NRG1: variants seen among roughly 807,000 people sequenced by gnomAD.
NRG1 encodes the protein pro-neuregulin-1, membrane-bound isoform.
In NRG1, 18 loss-of-function variants were observed where a neutral mutation model predicts 63.8. The observed-to-expected ratio is 0.28, with a 90% CI of 0.19 to 0.42. The LOEUF (loss-of-function observed/expected upper bound fraction) is 0.42, where lower values mean the gene tolerates loss of function less well. Ranked by LOEUF, NRG1 falls within the 10% of genes least tolerant of loss-of-function variation. The pLI, the probability that NRG1 is intolerant of heterozygous loss-of-function variation, is 1.00. For missense variants in NRG1, 762 were observed against 814.7 expected (o/e 0.94, Z 0.79); for synonymous variants, 302 against 301.3 (o/e 1.00, Z -0.02).
intron 1 of NRG1, among the ~76,000 whole-genome samples, chr8:31,966,450 ATAGT>A (rs770315738): frequency 6.6e-6 from 1 of 152,248 alleles, no homozygotes; most frequent in Admixed American, 6.5e-5. Context: ...AAGACATTTG[ATAGT>A]TAGCCAAAAT....
chr8:31,888,946 T>C (rs1198120273), intron 1 of NRG1, among the ~76,000 whole-genome samples: 1 of 152,136 alleles, frequency 6.6e-6, no homozygotes, highest in African/African-American at 2.4e-5. Context: ...CTCATAAATA[T>C]TGGTTTTTCA....
intron 1 of NRG1, among the ~76,000 whole-genome samples, chr8:32,393,693 G>A (rs1426658602): frequency 1.3e-5 from 2 of 151,342 alleles, no homozygotes; most frequent in East Asian, 1.9e-4. Flanking sequence ...GAGAATACAT[G>A]GACACATAGA....
intron 1 of NRG1, among the ~76,000 whole-genome samples, chr8:32,183,098 A>G (rs1841599060): frequency 6.6e-6 from 1 of 152,222 alleles, no homozygotes. Flanking sequence ...AAAGAACTCC[A>G]TTACATTCTA....
At position 32,465,065 on chromosome 8, in the gene NRG1, C is replaced by A. The variant is rs202228718; in HGVS notation, c.38-130763C>A. 1.1e-4 allele frequency among the ~76,000 whole-genome samples: 17 copies of A among 152,226 alleles called. No individual in the cohort carries two copies. In the East Asian group the frequency reaches 3.3e-3, roughly 29 times the overall value. On this transcript the variant is annotated intron_variant, in intron 1 of 10. Transcript: ENST00000519301. ...TGGTGTGTGCCTGTAGTCCCAGCTA[C>A]CCAGGAGGCTGAAGCAAGAGAATCG...
intron 1 of NRG1, among the ~76,000 whole-genome samples, chr8:32,238,357 G>A (rs1393414588): frequency 6.6e-6 from 1 of 151,888 alleles, no homozygotes; most frequent in Admixed American, 6.6e-5. Flanking sequence ...TACTTGGGAG[G>A]CTGGGGCAGG....
At chr8:32,408,345 G>A (rs1814392090) in intron 1 of NRG1, among the ~76,000 whole-genome samples, 1 of 152,172 alleles carries the variant, frequency 6.6e-6, no homozygotes, top group Non-Finnish European at 1.5e-5. Context: ...TGGGCCAGCT[G>A]GCCGAGATGT....
In NRG1 at chr8:31,786,238, G is replaced by C. The variant is rs1165401398; in HGVS notation, c.37+146807G>C. ...CAAGGAAAAGTACATTCTCCATGCTGCATATGTGTGGCTTAGGCCCTGGCT... is the reference window on the plus strand; with the variant it reads ...CAAGGAAAAGTACATTCTCCATGCTCCATATGTGTGGCTTAGGCCCTGGCT... On this transcript the variant is annotated intron_variant, in intron 1 of 10. Transcript: ENST00000519301. 2.6e-5 allele frequency among the ~76,000 whole-genome samples: 4 copies of C among 152,210 alleles called. No individual in the cohort carries two copies. The East Asian group carries it at 5.8e-4, about 22-fold the overall frequency.
In NRG1 at chr8:32,038,743, A is replaced by C. The variant is rs146460983; in HGVS notation, c.37+399312A>C. Among the ~76,000 whole-genome samples the C allele has an allele frequency of 3.9e-3, 598 of 152,172 alleles. 5 individuals carry two copies. The highest frequency in any genetic ancestry group is 6.8e-3 in the Middle Eastern group (2 of 294). On this transcript the variant is annotated intron_variant, in intron 1 of 10. Transcript: ENST00000519301. ...GCTGTTACTAAGACTGGGGGCTGTG[A>C]GAGGGCTTGGTGTTCCCCCAAGCAG...
In NRG1 at chr8:32,489,101, G is replaced by T. The variant is rs962196317; in HGVS notation, c.38-106727G>T. ...GGATTTGACCTTCTGACTTGGGGGT[G>T]TATATGCTGGCCTATTTCCAGCACT... On this transcript the variant is annotated intron_variant, in intron 1 of 10. Coordinates refer to the NRG1 transcript ENST00000519301. Among the ~76,000 whole-genome samples the T allele has an allele frequency of 2.0e-5, 3 of 152,300 alleles. No homozygotes were observed. The South Asian group carries it at 6.2e-4, about 32-fold the overall frequency.
rs543694091 is a variant in NRG1 at position 32,580,376 on chromosome 8, TA to T, written c.101-15447del. Among the ~76,000 whole-genome samples, 1,383 of 152,294 alleles carry T rather than the reference TA, an allele frequency of 9.1e-3. 23 individuals carry two copies. Among genetic ancestry groups the T allele is most frequent in the African/African-American group, 0.031 (1,303 of 41,552 alleles). ...TCTCAACTCTAAGTGGGCAGTTATT[TA>T]AAAACTTTGTATTAATTTAGAGAGC... On this transcript the variant is annotated intron_variant, in intron 1 of 11. Coordinates refer to ENST00000356819, the Ensembl canonical transcript of NRG1.
chr8:32,496,700 T>C (rs1827238172), intron 1 of NRG1, among the ~76,000 whole-genome samples: 1 of 152,236 alleles, frequency 6.6e-6, no homozygotes. Context: ...TTCTTCTCTG[T>C]CTTTTTAAAA....
intron 1 of NRG1, among the ~76,000 whole-genome samples, chr8:32,429,075 C>T (rs1817798935): frequency 6.6e-6 from 1 of 152,006 alleles, no homozygotes; most frequent in South Asian, 2.1e-4. Context: ...TGCAAGCCAA[C>T]ATAGTCACGT....
rs74358544 is a variant in NRG1 at position 32,060,398 on chromosome 8, A to G, written c.37+420967A>G. Reference sequence around the variant, plus strand: ...ATATATTAAAGAGGTGAAATTTGGCATCAATGAGCCTCCACCATAAAAGAA... The same window carrying G: ...ATATATTAAAGAGGTGAAATTTGGCGTCAATGAGCCTCCACCATAAAAGAA... On this transcript the variant is annotated intron_variant, in intron 1 of 10. Coordinates refer to the NRG1 transcript ENST00000519301. Among the ~76,000 whole-genome samples, 59 of 152,106 alleles carry G rather than the reference A, an allele frequency of 3.9e-4. 2 individuals carry two copies. The East Asian group carries it at 7.4e-3, about 19-fold the overall frequency.
At chr8:32,610,544 T>A (rs1011994750) in intron 3 of NRG1, among the ~76,000 whole-genome samples, 4 of 152,138 alleles carry the variant, frequency 2.6e-5, no homozygotes, top group Non-Finnish European at 4.4e-5. Flanking sequence ...GATTAAAAAA[T>A]TAGGAAATTC....
At chr8:31,803,357 G>A (rs866344891) in intron 1 of NRG1, among the ~76,000 whole-genome samples, 14 of 152,070 alleles carry the variant, frequency 9.2e-5, no homozygotes, top group Admixed American at 1.3e-4. Context: ...TAGAATAATT[G>A]CCTAAAGCCA....
intron 5 of NRG1, among the ~76,000 whole-genome samples, chr8:32,708,129 ATTATC>A (rs1448096260): frequency 6.6e-6 from 1 of 152,234 alleles, no homozygotes; most frequent in Non-Finnish European, 1.5e-5. Context: ...CCTAACTTAT[ATTATC>A]TTATGATGAT....
At chr8:31,812,395 C>A (rs993147916) in intron 1 of NRG1, among the ~76,000 whole-genome samples, 3 of 152,122 alleles carry the variant, frequency 2.0e-5, no homozygotes, top group African/African-American at 7.2e-5. Context: ...GGCTGCTGCT[C>A]CTGGGACAAC....
At chr8:31,716,529 A>G (rs56080487) in intron 1 of NRG1, among the ~76,000 whole-genome samples, 34,497 of 152,218 alleles carry the variant, frequency 0.23, 4,860 homozygotes, top group East Asian at 0.67. Flanking sequence ...TTCAAACATT[A>G]TCAGAGAAGG....
rs1210791642 is a variant in NRG1 at position 31,838,411 on chromosome 8, T to G, written c.37+198980T>G. Among the ~76,000 whole-genome samples, 4 of 152,180 alleles carry G rather than the reference T, an allele frequency of 2.6e-5. No homozygotes were observed. The South Asian group carries it at 6.2e-4, about 24-fold the overall frequency. ...ATTGCTGCATTTCTTTTTTAGGCTG[T>G]TCTTCACCACTGTTACTTGTTTATA... On this transcript the variant is annotated intron_variant, in intron 1 of 10. Coordinates refer to the NRG1 transcript ENST00000519301.
Sources: allele counts gnomAD v4.1 joint callset (sites outside exome capture counted in the v4.1 genomes callset), GRCh38; gene constraint gnomAD v4.1.1; transcripts MANE v1.5; gene names NCBI Gene and HGNC (gene_info 2026-07-23, HGNC 2026-07-21).